MDH1: variants seen among roughly 807,000 people sequenced by gnomAD.
MDH1 encodes the protein malate dehydrogenase, cytoplasmic.
A neutral mutation model predicts 38.7 loss-of-function variants in MDH1; 15 were observed. That is an observed-to-expected ratio of 0.39 (90% CI 0.26 to 0.60). The LOEUF (loss-of-function observed/expected upper bound fraction) is 0.60. Ranked by LOEUF, MDH1 falls within the 20% of genes least tolerant of loss-of-function variation. MDH1 has a pLI of 0.56. For synonymous variants in MDH1, 144 were observed against 143.6 expected, an observed-to-expected ratio of 1.00 and a Z score of -0.02; for missense variants, 368 against 405.2, an observed-to-expected ratio of 0.91 and a Z score of 0.79.
chr2:63,594,865 T>C, intron 2 of MDH1: 2 of 317,414 alleles, frequency 6.3e-6, no homozygotes, highest in South Asian at 7.4e-5. Context: ...CTAATGACAG[T>C]AACTTACAGT....
At chr2:63,606,341 C>G (rs920505669) in intron 8 of MDH1, among the ~76,000 whole-genome samples, 2 of 152,120 alleles carry the variant, frequency 1.3e-5, no homozygotes, top group Non-Finnish European at 2.9e-5. Context: ...TGACAGTACC[C>G]CTCCACCAGG....
rs1275203441 is a variant in MDH1, at chr2:63,604,789, G to C, written c.592G>C (p.Ala198Pro). The C allele has an allele frequency of 6.2e-7, 1 of 1,614,064 alleles. No homozygotes were observed. Among genetic ancestry groups the C allele is most frequent in the Non-Finnish European group, 8.5e-7 (1 of 1,180,044 alleles). Residue 198 changes from alanine (A) to proline (P), a missense_variant, in exon 6 of 9, where the codon GCC (alanine) becomes CCC (proline). Coordinates refer to ENST00000233114, the MANE Select transcript of MDH1 (RefSeq NM_005917.4). ...SSTQYPDVNH[A>P]KVKLQGKEVG... ...GACTCAGTATCCAGATGTCAACCAT[G>C]CCAAGGTGAAATTGCAAGGAAAGGA...
intron 1 of MDH1, among the ~76,000 whole-genome samples, chr2:63,589,657 A>G (rs1192402366): frequency 6.6e-6 from 1 of 152,200 alleles, no homozygotes; most frequent in Non-Finnish European, 1.5e-5. Context: ...AACTACTGCA[A>G]ATATTCTTTA....
At chr2:63,593,734 T>C (rs1009360439) in intron 1 of MDH1, 2 of 468,816 alleles carry the variant, frequency 4.3e-6, no homozygotes, top group Non-Finnish European at 8.8e-6. Flanking sequence ...ACCCATTACG[T>C]TTCTAAACAT....
intron 3 of MDH1, 153 bp from the exon 4 acceptor site, chr2:63,597,246 A>G (rs1709331255): frequency 1.0e-6 from 1 of 967,404 alleles, no homozygotes; most frequent in Non-Finnish European, 1.2e-6. Flanking sequence ...TTAAATTAAT[A>G]TATTATCTTT....
intron 7 of MDH1, 68 bp from the exon 8 acceptor site, chr2:63,605,865 GTTTAAT>G: frequency 1.6e-6 from 2 of 1,237,304 alleles, no homozygotes; most frequent in Non-Finnish European, 2.4e-6. Flanking sequence ...GGGTCACCTG[GTTTAAT>G]TTTATTAGTT....
intron 2 of MDH1, 73 bp downstream of exon 2, chr2:63,594,659 T>C (rs752493845): frequency 8.9e-5 from 96 of 1,077,798 alleles, no homozygotes; most frequent in Non-Finnish European, 1.2e-4. Context: ...TATTTAGTTG[T>C]ACACAAATTG....
chr2:63,599,262 T>C lies in MDH1; in HGVS notation c.468T>C (p.Thr156=). 6.2e-7 allele frequency: 1 copy of C among 1,613,826 alleles called. No individual in the cohort carries two copies. The highest frequency in any genetic ancestry group is 8.5e-7 in the Non-Finnish European group (1 of 1,179,786). ...CCAAGGAGAACTTCAGTTGCTTGAC[T>C]CGTTTGGATCACAACCGAGCTAAAG... The part of the protein sequence containing the change: ...SIPKENFSCL[T]RLDHNRAKAQ... Residue 156 remains threonine (T), a synonymous_variant, in exon 5 of 9, where the codon ACT becomes ACC. Coordinates refer to ENST00000233114, the MANE Select transcript of MDH1 (RefSeq NM_005917.4).
At chr2:63,589,468 G>C (rs1036110460) in intron 1 of MDH1, 2 of 1,381,992 alleles carry the variant, frequency 1.4e-6, no homozygotes, top group African/African-American at 1.4e-5. Flanking sequence ...TTTGTCACAG[G>C]GACCTTGAAA....
intron 4 of MDH1, 51 bp from the exon 5 acceptor site, chr2:63,599,119 A>T: frequency 6.4e-7 from 1 of 1,556,714 alleles, no homozygotes. Flanking sequence ...AACATAGATT[A>T]GTTAGTAACT....
chr2:63,604,729 G>A lies in MDH1; in HGVS notation c.532G>A (p.Val178Ile), dbSNP rs1328712395. 1 of 1,614,022 alleles carries A rather than the reference G, an allele frequency of 6.2e-7. No homozygotes were observed. Among genetic ancestry groups the A allele is most frequent in the East Asian group, 2.2e-5 (1 of 44,868 alleles). ...ALKLGVTAND[V>I]KNVIIWGNHS... The stretch of plus-strand genomic sequence containing the variant: ...TAAACTTGGTGTGACTGCTAATGAT[G>A]TAAAGAATGTCATTATCTGGGGAAA... Residue 178 changes from valine to isoleucine, a missense_variant, in exon 6 of 9, where the codon GTA becomes ATA. Transcript: ENST00000233114.
Position 63,598,549 on chromosome 2 carries a change from G to A in MDH1, c.376-621G>A, listed in dbSNP as rs528848014. On this transcript the variant is annotated intron_variant, in intron 4 of 8. Transcript: ENST00000233114. ...ACTTTCCTATCTTTCAAAAAAAGGTGAAAGAAAATTTTTTAAGATTTTTTA... is the reference window on the plus strand; with the variant it reads ...ACTTTCCTATCTTTCAAAAAAAGGTAAAAGAAAATTTTTTAAGATTTTTTA... Among the ~76,000 whole-genome samples, 14 of 152,262 alleles carry A rather than the reference G, an allele frequency of 9.2e-5. No homozygotes were observed. The East Asian group carries it at 1.5e-3, about 17-fold the overall frequency.
In MDH1 at chr2:63,604,842, T is replaced by C. The variant is rs1575726919; in HGVS notation, c.645T>C (p.Asp215=). The change falls in exon 6 of 9, where the codon GAT becomes GAC. Residue 215 remains aspartate, a synonymous_variant. Coordinates refer to ENST00000233114, the MANE Select transcript of MDH1 (RefSeq NM_005917.4). Reference sequence around the variant, plus strand: ...TTGGTGTTTATGAAGCTCTGAAAGATGACAGCTGGCTCAAGGGAGAATTTG... The same window carrying C: ...TTGGTGTTTATGAAGCTCTGAAAGACGACAGCTGGCTCAAGGGAGAATTTG... The part of the protein sequence containing the change: ...KEVGVYEALK[D]DSWLKGEFVT... The C allele has an allele frequency of 6.2e-7, 1 of 1,614,212 alleles. No homozygotes were observed. Among genetic ancestry groups the C allele is most frequent in the Non-Finnish European group, 8.5e-7 (1 of 1,180,028 alleles).
At chr2:63,597,722 G>A in intron 4 of MDH1, 148 bp downstream of exon 4, 2 of 620,392 alleles carry the variant, frequency 3.2e-6, no homozygotes, top group Non-Finnish European at 4.8e-6. Flanking sequence ...TGCTTGATAA[G>A]CTCTCCCTTT....
At chr2:63,598,270 C>A (rs4671069) in intron 4 of MDH1, 122,319 of 152,150 alleles carry the variant, frequency 0.8, 49,839 homozygotes, top group East Asian at 0.98. Flanking sequence ...ATGGGACTAC[C>A]GTTGCACGCC....
chr2:63,601,801 G>A (rs1709423294), intron 5 of MDH1, among the ~76,000 whole-genome samples: 1 of 152,226 alleles, frequency 6.6e-6, no homozygotes, highest in Middle Eastern at 3.4e-3. Flanking sequence ...AGACATTCAG[G>A]GAAGTTATAG....
chr2:63,602,404 C>T (rs1469108994), intron 5 of MDH1, among the ~76,000 whole-genome samples: 6 of 122,850 alleles, frequency 4.9e-5, no homozygotes, highest in East Asian at 4.7e-4. Context: ...ACTCAAAAGT[C>T]GCAAAAAAAT....
Position 63,603,513 on chromosome 2 carries a change from A to T in MDH1, c.499-1183A>T, listed in dbSNP as rs1289740920. Among the ~76,000 whole-genome samples the T allele has an allele frequency of 2.0e-5, 3 of 152,192 alleles. No homozygotes were observed. The East Asian group carries it at 5.8e-4, about 29-fold the overall frequency. ...TCAGCTTCTTAAAATATTTTTCCAC[A>T]TTCCCTTCTGGTTCATCATAAATTC... On this transcript the variant is annotated intron_variant, in intron 5 of 8. Coordinates refer to ENST00000233114, the MANE Select transcript of MDH1 (RefSeq NM_005917.4).
At chr2:63,597,644 C>A in intron 4 of MDH1, 70 bp downstream of exon 4, 1 of 1,290,522 alleles carries the variant, frequency 7.7e-7, no homozygotes, top group Non-Finnish European at 1.0e-6. Context: ...AGCATTTAAG[C>A]AAAACCAAAA....
Sources: gnomAD v4.1 joint callset for allele counts (sites outside exome capture counted in the v4.1 genomes callset) on GRCh38, gnomAD v4.1.1 for gene constraint, MANE v1.5 for transcripts, NCBI Gene and HGNC (gene_info 2026-07-23, HGNC 2026-07-21) for gene names.